The following DACH1 variants were observed in gnomAD, a reference collection of about 807,000 sequenced individuals.
The protein encoded by DACH1 is dachshund family transcription factor 1.
A neutral mutation model predicts 54.2 loss-of-function variants in DACH1; 12 were observed. The ratio of observed to expected loss-of-function variants is 0.22; its 90% CI spans 0.14 to 0.36. DACH1 has a LOEUF of 0.36. DACH1 is among the 10% of genes least tolerant of loss of function. DACH1 has a pLI of 1.00. For synonymous variants in DACH1, 386 were observed against 366.2 expected (o/e 1.05, Z -0.62); for missense variants, 805 against 929.8 (o/e 0.87, Z 1.75).
intron 1 of DACH1, among the ~76,000 whole-genome samples, chr13:71,693,307 T>C (rs1881623841): frequency 7.4e-6 from 1 of 134,772 alleles, no homozygotes; most frequent in African/African-American, 3.0e-5. Context: ...TTTTTTTTTT[T>C]TTTTTTTTTT....
At chr13:71,688,208 A>G (rs1296682964) in intron 1 of DACH1, among the ~76,000 whole-genome samples, 1 of 152,222 alleles carries the variant, frequency 6.6e-6, no homozygotes, top group Non-Finnish European at 1.5e-5. Flanking sequence ...CAGGAAATAG[A>G]CCCAACAGCA....
chr13:71,843,610 T>C (rs976316903), intron 1 of DACH1, among the ~76,000 whole-genome samples: 1 of 152,178 alleles, frequency 6.6e-6, no homozygotes, highest in East Asian at 1.9e-4. Context: ...AGGATTCTAT[T>C]GGATTTTGAA....
At chr13:71,863,425 C>A (rs111963065) in intron 1 of DACH1, among the ~76,000 whole-genome samples, 5 of 152,050 alleles carry the variant, frequency 3.3e-5, no homozygotes, top group South Asian at 2.1e-4. Flanking sequence ...ACAAACTTCC[C>A]GCCTTTAACT....
intron 2 of DACH1, 93 bp from the exon 3 acceptor site, chr13:71,630,810 T>C: frequency 7.4e-7 from 1 of 1,356,422 alleles, no homozygotes; most frequent in Non-Finnish European, 9.6e-7. Flanking sequence ...CAAACATTTA[T>C]TAGAGTATCT....
chr13:71,438,754 C>A lies in DACH1; in HGVS notation c.*1901G>T, dbSNP rs1410254351. On this transcript the variant is annotated 3_prime_UTR_variant, in exon 11 of 11. Transcript: ENST00000613252. ...AAGTGTTGTAATCCTTTAAAGACTG[C>A]ATATAGGGAAACAAACACATAGAAC... 1 of 152,294 alleles carries A rather than the reference C, an allele frequency of 6.6e-6. No homozygotes were observed. The highest frequency in any genetic ancestry group is 1.5e-5 in the Non-Finnish European group (1 of 67,844). The allele number at this position is 152,294 out of a possible 1,614,324, so 9.4% of individuals were successfully genotyped here. A position where few individuals can be genotyped will look rare whatever the true frequency, so the allele number is the denominator to read the frequency against.
chr13:71,620,002 T>C (rs1040504941), intron 3 of DACH1, among the ~76,000 whole-genome samples: 10 of 151,936 alleles, frequency 6.6e-5, no homozygotes, highest in Non-Finnish European at 1.3e-4. Context: ...TGTGTGTTTT[T>C]AAAACTGGTA....
chr13:71,664,749 G>C (rs2138661394), intron 2 of DACH1, among the ~76,000 whole-genome samples: 1 of 152,128 alleles, frequency 6.6e-6, no homozygotes, highest in East Asian at 1.9e-4. Flanking sequence ...GTAGGATTAT[G>C]AGTGACGCCT....
chr13:71,754,206 G>A (rs1885046535), intron 1 of DACH1, among the ~76,000 whole-genome samples: 1 of 152,040 alleles, frequency 6.6e-6, no homozygotes, highest in Non-Finnish European at 1.5e-5. Context: ...TTCACAGCTG[G>A]CTCACCTGGT....
intron 2 of DACH1, among the ~76,000 whole-genome samples, chr13:71,633,971 C>CA (rs1342244784): frequency 2.1e-5 from 3 of 142,376 alleles, no homozygotes; most frequent in Non-Finnish European, 4.6e-5. Flanking sequence ...TTTTTTCTTC[C>CA]TTTTTTTTTT....
chr13:71,471,335 C>T (rs1435219796), intron 10 of DACH1, among the ~76,000 whole-genome samples: 1 of 151,254 alleles, frequency 6.6e-6, no homozygotes, highest in Non-Finnish European at 1.5e-5. Context: ...GGATACATAC[C>T]GTTTTGTGCA....
intron 6 of DACH1, among the ~76,000 whole-genome samples, chr13:71,493,860 T>TTATGAATA (rs1879193191): frequency 6.6e-6 from 1 of 152,168 alleles, no homozygotes; most frequent in Admixed American, 6.5e-5. Flanking sequence ...TTTCAAAGAT[T>TTATGAATA]TATGAATATC....
intron 3 of DACH1, among the ~76,000 whole-genome samples, chr13:71,602,989 A>G (rs1874615571): frequency 6.6e-6 from 1 of 151,992 alleles, no homozygotes; most frequent in Admixed American, 6.6e-5. Flanking sequence ...AATACACTTT[A>G]TTCAATTACG....
chr13:71,835,347 G>C (rs57604762), intron 1 of DACH1, among the ~76,000 whole-genome samples: 4 of 152,112 alleles, frequency 2.6e-5, no homozygotes, highest in African/African-American at 9.6e-5. Flanking sequence ...GTATGGAGAA[G>C]TCTGAATTAA....
intron 1 of DACH1, among the ~76,000 whole-genome samples, chr13:71,803,957 G>A (rs1330755455): frequency 6.6e-6 from 1 of 152,080 alleles, no homozygotes; most frequent in African/African-American, 2.4e-5. Flanking sequence ...AATATAATTA[G>A]GTACTATGCT....
chr13:71,491,581 G>T (rs1878984939), intron 6 of DACH1, among the ~76,000 whole-genome samples: 1 of 152,126 alleles, frequency 6.6e-6, no homozygotes, highest in East Asian at 1.9e-4. Flanking sequence ...ATGTACATAA[G>T]AAATTAGCAA....
chr13:71,780,820 T>C (rs1375383456), intron 1 of DACH1, among the ~76,000 whole-genome samples: 3 of 152,110 alleles, frequency 2.0e-5, no homozygotes, highest in African/African-American at 7.2e-5. Flanking sequence ...CCCTGAATAG[T>C]GAAATACATT....
intron 1 of DACH1, among the ~76,000 whole-genome samples, chr13:71,812,001 A>G (rs1388938925): frequency 6.6e-6 from 1 of 152,144 alleles, no homozygotes; most frequent in Admixed American, 6.5e-5. Context: ...GAAATCTTTT[A>G]AAAACTGACT....
At chr13:71,782,324 C>T (rs762690445) in intron 1 of DACH1, among the ~76,000 whole-genome samples, 36 of 152,184 alleles carry the variant, frequency 2.4e-4, no homozygotes, top group Non-Finnish European at 4.1e-4. Flanking sequence ...TGCCTGTAGT[C>T]CTAGCCACTA....
chr13:71,730,137 A>T (rs1333423318), intron 1 of DACH1, among the ~76,000 whole-genome samples: 1 of 152,140 alleles, frequency 6.6e-6, no homozygotes, highest in East Asian at 1.9e-4. Flanking sequence ...CCAGCATGGC[A>T]CATGTATACA....
Sources: allele counts gnomAD v4.1 joint callset (sites outside exome capture counted in the v4.1 genomes callset), GRCh38; gene constraint gnomAD v4.1.1; transcripts MANE v1.5; gene names NCBI Gene and HGNC (gene_info 2026-07-23, HGNC 2026-07-21).